PAX5: variants seen among roughly 807,000 people sequenced by gnomAD.
PAX5 encodes paired box 5, also known as paired box protein Pax-5.
A neutral mutation model predicts 43.7 loss-of-function variants in PAX5; 9 were observed. The observed-to-expected ratio is 0.21, with a 90% CI of 0.12 to 0.36. The LOEUF (loss-of-function observed/expected upper bound fraction) is 0.36. PAX5 is among the 10% of genes least tolerant of loss of function. The probability of loss-of-function intolerance (pLI) is 1.00; values close to 1 mark genes in which losing one functional copy is unlikely to be tolerated. For synonymous variants in PAX5, 228 were observed against 214.3 expected, an observed-to-expected ratio of 1.06 and a Z score of -0.56; for missense variants, 383 against 532.7, an observed-to-expected ratio of 0.72 and a Z score of 2.77.
intron 1 of PAX5, among the ~76,000 whole-genome samples, chr9:37,033,492 C>T (rs929053798): frequency 2.0e-5 from 3 of 151,952 alleles, no homozygotes; most frequent in South Asian, 2.1e-4. Context: ...CAGATATTTC[C>T]GAATTACATA....
chr9:37,011,567 C>T (rs1002812131), intron 3 of PAX5, among the ~76,000 whole-genome samples: 1 of 152,200 alleles, frequency 6.6e-6, no homozygotes, highest in African/African-American at 2.4e-5. Flanking sequence ...AGACTGGATC[C>T]AGCGATCCCT....
chr9:37,001,535 G>C (rs1232579454), intron 5 of PAX5, among the ~76,000 whole-genome samples: 1 of 152,246 alleles, frequency 6.6e-6, no homozygotes, highest in African/African-American at 2.4e-5. Context: ...AGGCAAGGCA[G>C]GTTCCAAAAG....
intron 4 of PAX5, among the ~76,000 whole-genome samples, chr9:37,004,694 T>C (rs1049192347): frequency 6.6e-6 from 1 of 152,206 alleles, no homozygotes; most frequent in African/African-American, 2.4e-5. Flanking sequence ...TATTAACATG[T>C]AAAAAACAGA....
At chr9:36,889,180 T>C (rs1563934813) in intron 7 of PAX5, among the ~76,000 whole-genome samples, 1 of 46,992 alleles carries the variant, frequency 2.1e-5, no homozygotes, top group Non-Finnish European at 8.4e-5. Flanking sequence ...CCAGCCTCCT[T>C]GGAGTTCCCA....
chr9:36,907,525 C>A (rs1376310078), intron 7 of PAX5, among the ~76,000 whole-genome samples: 1 of 152,194 alleles, frequency 6.6e-6, no homozygotes, highest in Non-Finnish European at 1.5e-5. Flanking sequence ...CTGTCTGAAG[C>A]CCCGTGTATC....
At chr9:36,848,350 C>CCACACACACACACA (rs55793420) in intron 8 of PAX5, among the ~76,000 whole-genome samples, 33,559 of 136,146 alleles carry the variant, frequency 0.25, 4,753 homozygotes, top group Non-Finnish European at 0.31. Context: ...CAGAGCGTGT[C>CCACACACACACACA]CACACACACA....
chr9:37,031,501 C>G (rs796515678), intron 1 of PAX5, among the ~76,000 whole-genome samples: 5 of 152,286 alleles, frequency 3.3e-5, no homozygotes, highest in African/African-American at 1.2e-4. Flanking sequence ...CAAGGGTTCC[C>G]ATGGCAAGGA....
chr9:37,030,633 T>C (rs1840887153), intron 1 of PAX5, among the ~76,000 whole-genome samples: 2 of 152,206 alleles, frequency 1.3e-5, no homozygotes, highest in Non-Finnish European at 2.9e-5. Context: ...AGAAACTCAA[T>C]TTATGTGAAC....
intron 1 of PAX5, among the ~76,000 whole-genome samples, chr9:37,029,345 C>T (rs979763667): frequency 6.6e-6 from 1 of 152,206 alleles, no homozygotes; most frequent in Non-Finnish European, 1.5e-5. Flanking sequence ...ACCCAGCTGT[C>T]CCTGACCAGT....
intron 7 of PAX5, among the ~76,000 whole-genome samples, chr9:36,910,817 C>T (rs1057353494): frequency 2.6e-5 from 4 of 152,256 alleles, no homozygotes; most frequent in East Asian, 1.9e-4. Context: ...GTCAGGCCGC[C>T]GGACCTCTAT....
chr9:36,951,634 T>A (rs1833018427), intron 6 of PAX5, among the ~76,000 whole-genome samples: 1 of 152,210 alleles, frequency 6.6e-6, no homozygotes, highest in African/African-American at 2.4e-5. Flanking sequence ...AACACCACAT[T>A]TCTGGGTCTT....
intron 8 of PAX5, among the ~76,000 whole-genome samples, chr9:36,867,021 G>A (rs1019908035): frequency 1.5e-5 from 2 of 136,990 alleles, no homozygotes; most frequent in African/African-American, 2.8e-5. Flanking sequence ...GCCCCCAGTG[G>A]CCAGCTCTAC....
In PAX5 at chr9:36,872,042, A is replaced by T. The variant is rs149298030; in HGVS notation, c.1012+9962T>A. On this transcript the variant is annotated intron_variant, in intron 8 of 9. Transcript: ENST00000358127. ...GATGGAACAAATGATGGTGATCTTT[A>T]CTACCTCTCTCTCACCCTAAGATTG... 6.0e-4 allele frequency among the ~76,000 whole-genome samples: 92 copies of T among 152,362 alleles called. 1 individual carries two copies. The East Asian group carries it at 0.016, about 27-fold the overall frequency.
At chr9:37,023,131 C>G (rs543798739) in intron 1 of PAX5, among the ~76,000 whole-genome samples, 73 of 151,972 alleles carry the variant, frequency 4.8e-4, no homozygotes, top group Non-Finnish European at 1.0e-4. Flanking sequence ...AGACAGACAA[C>G]CAGGAGAGAG....
intron 1 of PAX5, among the ~76,000 whole-genome samples, chr9:37,031,119 T>C: frequency 6.6e-6 from 1 of 152,256 alleles, no homozygotes; most frequent in Non-Finnish European, 1.5e-5. Context: ...GTCCCTGTTT[T>C]CAGGAGTTCT....
chr9:36,921,582 A>G (rs1231114281), intron 7 of PAX5, among the ~76,000 whole-genome samples: 1 of 152,216 alleles, frequency 6.6e-6, no homozygotes, highest in Non-Finnish European at 1.5e-5. Context: ...GGACATGATC[A>G]TAACGGTCCC....
intron 1 of PAX5, among the ~76,000 whole-genome samples, chr9:37,032,056 C>T (rs1049645415): frequency 4.6e-5 from 7 of 152,152 alleles, no homozygotes; most frequent in Admixed American, 3.3e-4. Context: ...CTTGAACTGT[C>T]GCCCTTTTCC....
intron 8 of PAX5, among the ~76,000 whole-genome samples, chr9:36,858,780 C>T (rs892923045): frequency 2.0e-5 from 3 of 152,136 alleles, no homozygotes; most frequent in African/African-American, 4.8e-5. Flanking sequence ...TACTTTCCTG[C>T]GGCCCAGACC....
chr9:37,034,109 T>G lies in PAX5; in HGVS notation c.-78A>C. The G allele has an allele frequency of 1.2e-6, 1 of 817,890 alleles. No individual in the cohort carries two copies. Among genetic ancestry groups the G allele is most frequent in the South Asian group, 1.7e-5 (1 of 58,664 alleles). The allele number at this position is 817,890 out of a possible 1,614,324, so 50.7% of individuals were successfully genotyped here. On this transcript the variant is annotated 5_prime_UTR_variant, in exon 1 of 10. Transcript: ENST00000358127. ...GTGCCTTTTTTTTTCTTTTTTTTTT[T>G]TTTTTTTTTTTTTTTTTGGTGCCAG...
Sources: allele counts gnomAD v4.1 joint callset (sites outside exome capture counted in the v4.1 genomes callset), GRCh38; gene constraint gnomAD v4.1.1; transcripts MANE v1.5; gene names NCBI Gene and HGNC (gene_info 2026-07-23, HGNC 2026-07-21).